MAP2: variants seen among roughly 807,000 people sequenced by gnomAD.
MAP2 encodes the protein microtubule associated protein 2.
Under a neutral mutation model 137.6 loss-of-function variants are expected in MAP2, and 14 were observed. The observed-to-expected ratio is 0.10, with a 90% CI of 0.07 to 0.16. The LOEUF (loss-of-function observed/expected upper bound fraction) is 0.16, where lower values mean the gene tolerates loss of function less well. Ranked by LOEUF, MAP2 falls within the 10% of genes least tolerant of loss-of-function variation. MAP2 has a pLI of 1.00. For synonymous variants in MAP2, 786 were observed against 782.3 expected, an observed-to-expected ratio of 1.00 and a Z score of -0.08; for missense variants, 2,088 against 2,191.5, an observed-to-expected ratio of 0.95 and a Z score of 0.94.
At chr2:209,676,132 T>G (rs2051289176) in intron 5 of MAP2, among the ~76,000 whole-genome samples, 1 of 151,780 alleles carries the variant, frequency 6.6e-6, no homozygotes, top group Non-Finnish European at 1.5e-5. Flanking sequence ...AGACATAGAA[T>G]CAACCTAAAT....
At chr2:209,636,574 TATATAC>T (rs900017579) in intron 4 of MAP2, among the ~76,000 whole-genome samples, 5 of 150,388 alleles carry the variant, frequency 3.3e-5, no homozygotes, top group South Asian at 2.1e-4. Context: ...TATATATATA[TATATAC>T]ACACACACAC....
chr2:209,546,059 C>T (rs1455512019), intron 2 of MAP2, among the ~76,000 whole-genome samples: 2 of 152,150 alleles, frequency 1.3e-5, no homozygotes, highest in Admixed American at 6.5e-5. Flanking sequence ...AGGAGAATGG[C>T]GTGAACCCGG....
chr2:209,489,544 A>G, intron 1 of MAP2, among the ~76,000 whole-genome samples: 1 of 152,212 alleles, frequency 6.6e-6, no homozygotes, highest in Non-Finnish European at 1.5e-5. Context: ...AAGAACCTTG[A>G]TAAAAGGTTA....
intron 5 of MAP2, among the ~76,000 whole-genome samples, chr2:209,667,229 G>A (rs1243553753): frequency 1.3e-5 from 2 of 151,818 alleles, no homozygotes; most frequent in Non-Finnish European, 2.9e-5. Flanking sequence ...TGTCATTCCT[G>A]CCTCTTTGTT....
Position 209,705,622 on chromosome 2 carries a change from A to G in MAP2, c.4627A>G (p.Arg1543Gly). 8.1e-6 allele frequency: 13 copies of G among 1,612,942 alleles called. No individual in the cohort carries two copies. Among genetic ancestry groups the G allele is most frequent in the Non-Finnish European group, 1.0e-5 (12 of 1,179,242 alleles). Residue 1543 changes from arginine (R) to glycine (G), a missense_variant, in exon 12 of 16, where the codon AGA becomes GGA. This residue lies in a region of MAP2 where 591 missense variants were observed against 642.6 expected (regional missense o/e 0.92). Transcript: ENST00000682079. ...KSPEKRSSLP[R>G]PSSILPPRRG... is the part of the protein sequence containing the mutation. The stretch of plus-strand genomic sequence containing the variant: ...CCCAGAAAAGCGCTCTTCTCTCCCA[A>G]GACCTTCCTCCATTCTCCCTCCTCG...
At chr2:209,673,669 G>A (rs967622261) in intron 5 of MAP2, among the ~76,000 whole-genome samples, 5 of 151,776 alleles carry the variant, frequency 3.3e-5, no homozygotes, top group Non-Finnish European at 7.4e-5. Flanking sequence ...CAGCTATGAA[G>A]ATCAGTGTTA....
chr2:209,539,978 G>A (rs899086996), intron 2 of MAP2, among the ~76,000 whole-genome samples: 6 of 149,776 alleles, frequency 4.0e-5, no homozygotes, highest in Non-Finnish European at 7.4e-5. Context: ...GCATGTGCCT[G>A]TAGTCCCAGC....
In MAP2 at chr2:209,729,853, G is replaced by A. The variant is rs1237794706; in HGVS notation, c.5159G>A (p.Gly1720Asp). 1 of 1,605,880 alleles carries A rather than the reference G, an allele frequency of 6.2e-7. No homozygotes were observed. The highest frequency in any genetic ancestry group is 1.7e-5 in the Admixed American group (1 of 59,830). Residue 1720 changes from glycine to aspartate, a missense_variant, in exon 15 of 16, where the codon GGC becomes GAC. This residue lies in a region of MAP2 where 112 missense variants were observed against 201.0 expected (regional missense o/e 0.56). Coordinates refer to ENST00000682079, the MANE Select transcript of MAP2 (RefSeq NM_001375505.1). The part of the protein sequence containing the change: ...SLKNIRHRPG[G>D]GRVKIESVKL... ...CAAGGTATTTCTTCCCTCATAGGTG[G>A]CGGACGTGTGAAAATTGAGAGTGTA...
chr2:209,585,754 T>G (rs1204845172), intron 3 of MAP2, among the ~76,000 whole-genome samples: 1 of 152,206 alleles, frequency 6.6e-6, no homozygotes, highest in Non-Finnish European at 1.5e-5. Flanking sequence ...TACACAATAT[T>G]TTAAATAATT....
At chr2:209,709,821 C>T (rs1012082928) in intron 12 of MAP2, 93 bp from the exon 13 acceptor site, 9 of 851,576 alleles carry the variant, frequency 1.1e-5, no homozygotes, top group African/African-American at 3.4e-5. Context: ...AGAAATTAAA[C>T]GTATTATGAC....
chr2:209,631,030 A>AAAAAAAAAAAAAAAAC (rs2092978082), intron 4 of MAP2, among the ~76,000 whole-genome samples: 1 of 96,846 alleles, frequency 1.0e-5, no homozygotes, highest in Non-Finnish European at 1.8e-5. Flanking sequence ...AAAAAAAAAA[A>AAAAAAAAAAAAAAAAC]AAAAAGAGAG....
intron 3 of MAP2, among the ~76,000 whole-genome samples, chr2:209,595,055 T>C (rs1445668688): frequency 2.0e-5 from 3 of 152,116 alleles, no homozygotes; most frequent in Non-Finnish European, 4.4e-5. Context: ...TCTAAAGAAC[T>C]AGAAATTATA....
chr2:209,723,390 G>T (rs2072212466), intron 13 of MAP2, among the ~76,000 whole-genome samples: 1 of 152,074 alleles, frequency 6.6e-6, no homozygotes, highest in Admixed American at 6.6e-5. Context: ...AGCCTCTCTC[G>T]CATTTGACCC....
chr2:209,598,314 T>C (rs1418426385), intron 3 of MAP2, among the ~76,000 whole-genome samples: 1 of 152,170 alleles, frequency 6.6e-6, no homozygotes, highest in African/African-American at 2.4e-5. Flanking sequence ...CTTGTGTCTG[T>C]CCTATTCTTA....
At position 209,693,315 on chromosome 2, in the gene MAP2, C is replaced by T; in HGVS notation, c.1145C>T (p.Ala382Val). ...GCTAAACCTGACAAAATGGCAGAAG[C>T]ACCACCCTCAGAGGCAATGACCTTA... ...HEAKPDKMAEAPPSEAMTLPK... is the reference protein window; with the variant it reads ...HEAKPDKMAEVPPSEAMTLPK... The change falls in exon 8 of 16, where the codon GCA becomes GTA. Residue 382 changes from alanine to valine, a missense_variant. By Grantham distance (64) the Ala-to-Val change is moderately conservative. Coordinates refer to ENST00000682079, the MANE Select transcript of MAP2 (RefSeq NM_001375505.1). The T allele has an allele frequency of 3.7e-6, 6 of 1,613,898 alleles. No homozygotes were observed. Among genetic ancestry groups the T allele is most frequent in the Non-Finnish European group, 5.1e-6 (6 of 1,179,962 alleles).
intron 5 of MAP2, among the ~76,000 whole-genome samples, chr2:209,672,554 A>C (rs552829027): frequency 9.9e-5 from 15 of 152,020 alleles, no homozygotes; most frequent in African/African-American, 3.4e-4. Flanking sequence ...ATTGTTACTT[A>C]ACAAGGTCTT....
intron 5 of MAP2, among the ~76,000 whole-genome samples, chr2:209,674,067 T>C (rs185418238): frequency 7.2e-5 from 11 of 151,758 alleles, no homozygotes; most frequent in Admixed American, 2.6e-4. Context: ...AGAAAATAAA[T>C]AACAAAGACA....
chr2:209,597,757 T>A (rs1460245254), intron 3 of MAP2, among the ~76,000 whole-genome samples: 1 of 152,082 alleles, frequency 6.6e-6, no homozygotes, highest in Non-Finnish European at 1.5e-5. Context: ...TTTTCGTTTT[T>A]TGGCCTGGTA....
chr2:209,509,446 A>G (rs2061468741), intron 2 of MAP2, among the ~76,000 whole-genome samples: 1 of 151,980 alleles, frequency 6.6e-6, no homozygotes, highest in Admixed American at 6.6e-5. Context: ...TCTTATTACC[A>G]GGTCTTCCCA....
Sources: allele counts gnomAD v4.1 joint callset (sites outside exome capture counted in the v4.1 genomes callset), GRCh38; gene constraint gnomAD v4.1.1; regional missense constraint gnomAD v4.1.1; transcripts MANE v1.5; gene names NCBI Gene and HGNC (gene_info 2026-07-23, HGNC 2026-07-21).